Variants in TBC1D22A observed in about 807,000 individuals in gnomAD.
TBC1D22A encodes putative GTPase activator.
A neutral mutation model predicts 60.2 loss-of-function variants in TBC1D22A; 38 were observed. The ratio of observed to expected loss-of-function variants is 0.63; its 90% CI spans 0.49 to 0.83. The LOEUF (loss-of-function observed/expected upper bound fraction) is 0.83, where lower values mean the gene tolerates loss of function less well. Ranked by LOEUF, TBC1D22A falls within the 40% of genes least tolerant of loss-of-function variation. The pLI, the probability that TBC1D22A is intolerant of heterozygous loss-of-function variation, is 0.00. For synonymous variants in TBC1D22A, 302 were observed against 281.7 expected (o/e 1.07, Z -0.72); for missense variants, 628 against 701.0 (o/e 0.90, Z 1.18).
At chr22:46,964,058 G>C (rs944734074) in intron 8 of TBC1D22A, among the ~76,000 whole-genome samples, 11 of 152,232 alleles carry the variant, frequency 7.2e-5, no homozygotes, top group African/African-American at 2.4e-4. Context: ...TGAGGGCCGG[G>C]CTCCTGCCCC....
intron 11 of TBC1D22A, 29 bp downstream of exon 11, chr22:47,037,227 G>T (rs762846473): frequency 6.2e-7 from 1 of 1,609,768 alleles, no homozygotes; most frequent in Admixed American, 1.7e-5. Context: ...CCTCCGCCAT[G>T]GGGGTGCCAG....
At chr22:47,066,959 C>G (rs1452488633) in intron 11 of TBC1D22A, among the ~76,000 whole-genome samples, 1 of 152,162 alleles carries the variant, frequency 6.6e-6, no homozygotes, top group Non-Finnish European at 1.5e-5. Context: ...TGCCCGATAC[C>G]AGTCCTTTTA....
intron 5 of TBC1D22A, among the ~76,000 whole-genome samples, chr22:46,888,004 T>C (rs2068206590): frequency 6.6e-6 from 1 of 152,162 alleles, no homozygotes; most frequent in African/African-American, 2.4e-5. Flanking sequence ...GCCTGGCGGC[T>C]CTCTGAGTCC....
intron 5 of TBC1D22A, among the ~76,000 whole-genome samples, chr22:46,884,608 G>A (rs892963124): frequency 2.6e-5 from 4 of 152,210 alleles, no homozygotes; most frequent in Non-Finnish European, 5.9e-5. Context: ...CCCTGGGCTT[G>A]GTGGCCCCTG....
intron 4 of TBC1D22A, among the ~76,000 whole-genome samples, chr22:46,801,135 T>C (rs1482182476): frequency 6.6e-6 from 1 of 152,258 alleles, no homozygotes; most frequent in East Asian, 1.9e-4. Flanking sequence ...TTTTTCTTTC[T>C]TTATAATTCT....
chr22:46,970,442 C>T (rs1010509787), intron 8 of TBC1D22A, among the ~76,000 whole-genome samples: 5 of 152,000 alleles, frequency 3.3e-5, no homozygotes, highest in Non-Finnish European at 5.9e-5. Flanking sequence ...ATCTTTTTTT[C>T]GATTGGTGTC....
chr22:46,891,152 G>A (rs772454897), intron 5 of TBC1D22A, 114 bp from the exon 6 acceptor site: 17 of 1,224,744 alleles, frequency 1.4e-5, no homozygotes, highest in Non-Finnish European at 1.7e-5. Flanking sequence ...CTCTGTGTCA[G>A]ATTTCAGAAT....
intron 1 of TBC1D22A, among the ~76,000 whole-genome samples, chr22:46,776,294 G>A (rs1170115305): frequency 1.3e-5 from 2 of 152,194 alleles, no homozygotes; most frequent in Non-Finnish European, 2.9e-5. Flanking sequence ...AGCCTGGCGG[G>A]TCGCTGGCTA....
intron 1 of TBC1D22A, among the ~76,000 whole-genome samples, chr22:46,786,854 G>A (rs73475042): frequency 0.017 from 2,513 of 151,906 alleles, 79 homozygotes; most frequent in African/African-American, 0.058. Flanking sequence ...ATGCCCACTA[G>A]TTTTTTGGTT....
intron 4 of TBC1D22A, among the ~76,000 whole-genome samples, chr22:46,799,782 A>T (rs1246572947): frequency 6.6e-6 from 1 of 152,152 alleles, no homozygotes; most frequent in East Asian, 1.9e-4. Context: ...CTGATTGATA[A>T]TTTTTGGCAG....
rs2148203403 is a variant in TBC1D22A, at chr22:46,990,168, T to C, written c.1126-7466T>C. Among the ~76,000 whole-genome samples the C allele has an allele frequency of 1.3e-5, 2 of 152,376 alleles. 1 individual carries two copies. Among genetic ancestry groups the C allele is most frequent in the South Asian group, 4.1e-4 (2 of 4,824 alleles). ...AGTTTATTCTTGCAACTTGCTTTCT[T>C]AACTTTTTAGTGTATGTTTAGACCA... On this transcript the variant is annotated intron_variant, in intron 9 of 12. Transcript: ENST00000337137. The surrounding 1 kb of genome is among the most constrained non-coding windows in gnomAD (Gnocchi z 4.6).
intron 1 of TBC1D22A, chr22:46,763,143 G>C (rs2083160580): frequency 2.5e-6 from 1 of 398,828 alleles, no homozygotes; most frequent in African/African-American, 2.1e-5. Flanking sequence ...GGGGAGGCTG[G>C]AAGGAACTGA....
intron 12 of TBC1D22A, among the ~76,000 whole-genome samples, chr22:47,119,894 G>A (rs112098483): frequency 1.1e-4 from 16 of 152,294 alleles, no homozygotes; most frequent in East Asian, 1.9e-4. Context: ...TGTCCAGGGC[G>A]CCTCGTTACT....
intron 8 of TBC1D22A, among the ~76,000 whole-genome samples, chr22:46,953,114 A>C (rs987980843): frequency 6.6e-6 from 1 of 151,476 alleles, no homozygotes; most frequent in Non-Finnish European, 1.5e-5. Flanking sequence ...GAGCATGTTC[A>C]GAAATTATTT....
intron 12 of TBC1D22A, among the ~76,000 whole-genome samples, chr22:47,140,443 C>G (rs986873190): frequency 6.6e-6 from 1 of 151,676 alleles, no homozygotes; most frequent in Non-Finnish European, 1.5e-5. Context: ...CCTGTAGTCC[C>G]AGCTACTGGG....
chr22:47,173,834 G>A lies in TBC1D22A; in HGVS notation c.*208G>A. ...AGCCTTTGTTTTCTGAGATACCAAA[G>A]AGAGCCAGGGGAGGGCCCCGGGTTC... On this transcript the variant is annotated 3_prime_UTR_variant, in exon 13 of 13. Coordinates refer to ENST00000337137, the MANE Select transcript of TBC1D22A (RefSeq NM_014346.5). 5.0e-6 allele frequency: 4 copies of A among 801,668 alleles called. No homozygotes were observed. Among genetic ancestry groups the A allele is most frequent in the Non-Finnish European group, 7.4e-6 (4 of 541,588 alleles). The allele number at this position is 801,668 out of a possible 1,614,324, so 49.7% of individuals were successfully genotyped here.
intron 12 of TBC1D22A, among the ~76,000 whole-genome samples, chr22:47,119,020 A>G (rs1250841300): frequency 6.6e-6 from 1 of 152,104 alleles, no homozygotes; most frequent in Non-Finnish European, 1.5e-5. Flanking sequence ...GTGGTGGCGC[A>G]TGCCTGTAAT....
chr22:46,957,968 G>C (rs980916708), intron 8 of TBC1D22A, among the ~76,000 whole-genome samples: 1 of 152,034 alleles, frequency 6.6e-6, no homozygotes, highest in African/African-American at 2.4e-5. Context: ...CCCTGAACTG[G>C]TGATGGCAGA....
At chr22:47,019,378 G>A (rs1231891616) in intron 10 of TBC1D22A, among the ~76,000 whole-genome samples, 1 of 152,228 alleles carries the variant, frequency 6.6e-6, no homozygotes, top group Non-Finnish European at 1.5e-5. Flanking sequence ...CCTTCTTAGG[G>A]AACTCTTCTC....
Sources: gnomAD v4.1 joint callset for allele counts (sites outside exome capture counted in the v4.1 genomes callset) on GRCh38, gnomAD v4.1.1 for gene constraint, Gnocchi (gnomAD v3.1) non-coding constraint, MANE v1.5 for transcripts, NCBI Gene and HGNC (gene_info 2026-07-23, HGNC 2026-07-21) for gene names.